DYSF: variants seen among roughly 807,000 people sequenced by gnomAD.
DYSF encodes dystrophy-associated fer-1-like 1.
Under a neutral mutation model 274.9 loss-of-function variants are expected in DYSF, and 212 were observed. The ratio of observed to expected loss-of-function variants is 0.77; its 90% CI spans 0.69 to 0.86. The LOEUF (loss-of-function observed/expected upper bound fraction) is 0.86. Ranked by LOEUF, DYSF falls within the 40% of genes least tolerant of loss-of-function variation. DYSF has a pLI of 0.00. For missense variants in DYSF, 2,666 were observed against 2,783.2 expected (o/e 0.96, Z 0.95); for synonymous variants, 1,091 against 1,078.7 (o/e 1.01, Z -0.22).
chr2:71,612,489 C>T (rs1319075610), intron 38 of DYSF, 152 bp from the exon 39 acceptor site: 25 of 1,177,506 alleles, frequency 2.1e-5, no homozygotes, highest in African/African-American at 7.6e-5. Flanking sequence ...TGTGTGGCTT[C>T]GCTCGACTGC....
intron 24 of DYSF, among the ~76,000 whole-genome samples, chr2:71,566,282 G>A (rs1372268590): frequency 2.8e-5 from 4 of 144,230 alleles, no homozygotes; most frequent in African/African-American, 1.1e-4. Flanking sequence ...GAGGGGATGA[G>A]CTCCAGGTTC....
intron 32 of DYSF, among the ~76,000 whole-genome samples, chr2:71,596,033 C>T (rs1440520701): frequency 6.6e-6 from 1 of 150,822 alleles, no homozygotes; most frequent in Non-Finnish European, 1.5e-5. Context: ...GAGTGGGGTC[C>T]CGTGCAGGGA....
chr2:71,587,856 C>A (rs1156733270), intron 30 of DYSF, among the ~76,000 whole-genome samples: 1 of 152,140 alleles, frequency 6.6e-6, no homozygotes, highest in East Asian at 1.9e-4. Context: ...TCAGAGCCCA[C>A]CCAGGGATAG....
At chr2:71,477,190 G>C (rs888887542) in intron 1 of DYSF, among the ~76,000 whole-genome samples, 3 of 152,132 alleles carry the variant, frequency 2.0e-5, no homozygotes, top group Non-Finnish European at 4.4e-5. Flanking sequence ...GGACAAAGCA[G>C]TGTCTCCCTG....
intron 16 of DYSF, among the ~76,000 whole-genome samples, chr2:71,537,843 G>T (rs1346155151): frequency 6.6e-6 from 1 of 152,226 alleles, no homozygotes; most frequent in Admixed American, 6.5e-5. Flanking sequence ...ACAACAGGGA[G>T]AGGGGGTCTA....
chr2:71,486,156 G>T (rs2083343847), intron 3 of DYSF, among the ~76,000 whole-genome samples: 1 of 152,014 alleles, frequency 6.6e-6, no homozygotes, highest in South Asian at 2.1e-4. Context: ...CACCCGTTTT[G>T]TTTGTGGGAA....
At chr2:71,681,264 G>A (rs1317497314) in intron 54 of DYSF, among the ~76,000 whole-genome samples, 154 bp downstream of exon 54, 1 of 152,204 alleles carries the variant, frequency 6.6e-6, no homozygotes, top group African/African-American at 2.4e-5. Flanking sequence ...GTAAGTTAGG[G>A]GGAAGGTGAT....
chr2:71,598,770 G>C (rs201528073), intron 33 of DYSF, 25 bp downstream of exon 33: 35 of 1,606,978 alleles, frequency 2.2e-5, no homozygotes, highest in Non-Finnish European at 3.0e-5. Flanking sequence ...CTCCTGCCTC[G>C]TCCCCTCACA....
chr2:71,656,154 T>C lies in DYSF; in HGVS notation c.4627-8T>C. The C allele has an allele frequency of 6.2e-7, 1 of 1,614,192 alleles. No individual in the cohort carries two copies. Among genetic ancestry groups the C allele is most frequent in the Non-Finnish European group, 8.5e-7 (1 of 1,180,028 alleles). On this transcript the variant is annotated splice_polypyrimidine_tract_variant and splice_region_variant and intron_variant, in intron 42 of 55. Transcript: ENST00000410020. ...CTTGTCCCCTCCTCTAATCCCCATG[T>C]GTGGCAGGTCTATGACACACAGCTG...
chr2:71,667,500 G>A lies in DYSF; in HGVS notation c.5442G>A (p.Gln1814=), dbSNP rs1310734409. 3 of 1,614,116 alleles carry A rather than the reference G, an allele frequency of 1.9e-6. No homozygotes were observed. The highest frequency in any genetic ancestry group is 2.5e-6 in the Non-Finnish European group (3 of 1,179,998). The part of the protein sequence containing the change: ...VESRPLYSPL[Q]PDIEQGKLQM... ...CACGGCCCCTCTACAGCCCCCTGCAGCCAGACATCGAGCAGGTAGGACCTT... is the reference window on the plus strand; with the variant it reads ...CACGGCCCCTCTACAGCCCCCTGCAACCAGACATCGAGCAGGTAGGACCTT... Residue 1814 remains glutamine (Q), a synonymous_variant, in exon 48 of 56, where the codon CAG becomes CAA. Transcript: ENST00000410020.
intron 30 of DYSF, 24 bp from the exon 31 acceptor site, chr2:71,589,569 C>T (rs1436438371): frequency 6.2e-7 from 1 of 1,608,474 alleles, no homozygotes; most frequent in Non-Finnish European, 8.5e-7. Flanking sequence ...GCAGAATCTG[C>T]CATAACCAGC....
Position 71,480,943 on chromosome 2 carries a change from G to A in DYSF, c.147+5G>A. The A allele has an allele frequency of 2.5e-6, 4 of 1,613,974 alleles. No individual in the cohort carries two copies. The highest frequency in any genetic ancestry group is 2.5e-6 in the Non-Finnish European group (3 of 1,179,814). The stretch of plus-strand genomic sequence containing the variant: ...GTGAACCCTGTATGGAATGAGGTAT[G>A]TGAGTTTTTCTCCTTCCTTTTCTCT... On this transcript the variant is annotated splice_donor_5th_base_variant and intron_variant, in intron 2 of 55. Transcript: ENST00000410020.
chr2:71,513,681 G>A, intron 6 of DYSF, 35 bp from the exon 7 acceptor site: 1 of 1,607,382 alleles, frequency 6.2e-7, no homozygotes, highest in Admixed American at 1.7e-5. Flanking sequence ...CAGGGCCAGA[G>A]GGATCCAGGC....
At chr2:71,481,808 A>G in intron 2 of DYSF, 71 bp from the exon 3 acceptor site, 2 of 1,309,716 alleles carry the variant, frequency 1.5e-6, no homozygotes, top group Non-Finnish European at 2.2e-6. Flanking sequence ...TGGTGGCACG[A>G]AGGTGAACCA....
intron 3 of DYSF, among the ~76,000 whole-genome samples, chr2:71,486,093 A>G (rs1442732972): frequency 6.6e-6 from 1 of 152,128 alleles, no homozygotes; most frequent in African/African-American, 2.4e-5. Context: ...AACTGTCCTC[A>G]GGCCTCTCCA....
At chr2:71,678,928 T>C (rs1043873249) in intron 52 of DYSF, 129 bp from the exon 53 acceptor site, 71 of 792,092 alleles carry the variant, frequency 9.0e-5, no homozygotes, top group Non-Finnish European at 1.5e-4. Flanking sequence ...ATTTTACCTG[T>C]GGCTCGGCCA....
chr2:71,487,950 T>C (rs908516029), intron 3 of DYSF, among the ~76,000 whole-genome samples: 6 of 152,202 alleles, frequency 3.9e-5, no homozygotes, highest in African/African-American at 1.2e-4. Context: ...TGGCTGAAAC[T>C]GCACATGGTA....
intron 12 of DYSF, among the ~76,000 whole-genome samples, chr2:71,524,154 G>T (rs983202240): frequency 6.6e-6 from 1 of 152,160 alleles, no homozygotes; most frequent in Admixed American, 6.5e-5. Flanking sequence ...TCCAGACCCA[G>T]TTCAGATGCT....
Position 71,644,022 on chromosome 2 carries a change from A to G in DYSF, c.4585A>G (p.Lys1529Glu). 6.2e-7 allele frequency: 1 copy of G among 1,612,706 alleles called. No homozygotes were observed. The highest frequency in any genetic ancestry group is 1.1e-5 in the South Asian group (1 of 90,530). The change falls in exon 42 of 56, where the codon AAG becomes GAG. Residue 1529 changes from lysine (K) to glutamate (E), a missense_variant. Coordinates refer to ENST00000410020, the MANE Select transcript of DYSF (RefSeq NM_001130987.2). ...KFFASIGERE[K>E]CGSYLEKDFD... The stretch of plus-strand genomic sequence containing the variant: ...CTTTGCCTCCATAGGGGAGAGGGAA[A>G]AGTGCGGCTCCTACCTGGAGAAGGA...
Sources: allele counts gnomAD v4.1 joint callset (sites outside exome capture counted in the v4.1 genomes callset), GRCh38; gene constraint gnomAD v4.1.1; transcripts MANE v1.5; gene names NCBI Gene and HGNC (gene_info 2026-07-23, HGNC 2026-07-21).